The following ATG10 variants were observed in gnomAD, a reference collection of about 807,000 sequenced individuals.
ATG10 encodes ubiquitin-like-conjugating enzyme ATG10.
A neutral mutation model predicts 32.1 loss-of-function variants in ATG10; 30 were observed. The ratio of observed to expected loss-of-function variants is 0.94; its 90% CI spans 0.70 to 1.27. The LOEUF (loss-of-function observed/expected upper bound fraction) is 1.27, where lower values mean the gene tolerates loss of function less well. Among genes scored for constraint, ATG10 ranks in the 50% most tolerant of loss-of-function variants. ATG10 has a pLI of 0.00. For synonymous variants in ATG10, 87 were observed against 91.5 expected (o/e 0.95, Z 0.28); for missense variants, 233 against 262.3 (o/e 0.89, Z 0.77).
At position 82,157,833 on chromosome 5, in the gene ATG10, C is replaced by T. The variant is rs181037505; in HGVS notation, c.217-6566C>T. Among the ~76,000 whole-genome samples the T allele has an allele frequency of 2.0e-5, 3 of 152,286 alleles. No individual in the cohort carries two copies. The South Asian group carries it at 6.2e-4, about 32-fold the overall frequency. On this transcript the variant is annotated intron_variant, in intron 3 of 7. Coordinates refer to ENST00000282185, the MANE Select transcript of ATG10 (RefSeq NM_031482.5). ...TAAGGACTGTGGACTGTCTTTGAACCAGTGATGTTAGGTTTGAACTAAAGA... is the reference window on the plus strand; with the variant it reads ...TAAGGACTGTGGACTGTCTTTGAACTAGTGATGTTAGGTTTGAACTAAAGA...
intron 3 of ATG10, among the ~76,000 whole-genome samples, chr5:82,135,590 G>A (rs926465927): frequency 1.3e-5 from 2 of 152,178 alleles, no homozygotes; most frequent in African/African-American, 4.8e-5. Flanking sequence ...CTGAGAGACT[G>A]TTATGATTTC....
At chr5:82,144,883 G>A (rs986937387) in intron 3 of ATG10, among the ~76,000 whole-genome samples, 40 of 151,976 alleles carry the variant, frequency 2.6e-4, no homozygotes, top group Admixed American at 2.0e-3. Context: ...TGAGATTAGG[G>A]TACTAAAATC....
At position 82,178,623 on chromosome 5, in the gene ATG10, A is replaced by G. The variant is rs770695013; in HGVS notation, c.453+36A>G. On this transcript the variant is annotated intron_variant, in intron 5 of 7. Transcript: ENST00000282185. ...ATTGTCATTTTATTGTATGCATGTT[A>G]TTGTATTCTTTCCCGCTGCTCATCT... 3.0e-6 allele frequency: 4 copies of G among 1,348,840 alleles called. No individual in the cohort carries two copies. In the African/African-American group the frequency reaches 4.3e-5, roughly 15 times the overall value. The allele number at this position is 1,348,840 out of a possible 1,614,324, so 83.6% of individuals were successfully genotyped here.
intron 5 of ATG10, among the ~76,000 whole-genome samples, chr5:82,180,318 A>T (rs1744183657): frequency 6.6e-6 from 1 of 151,724 alleles, no homozygotes; most frequent in African/African-American, 2.4e-5. Context: ...GCCTTCCCTC[A>T]TTTTTCTGTA....
chr5:81,988,883 G>A (rs1197282444), intron 2 of ATG10, among the ~76,000 whole-genome samples: 1 of 152,128 alleles, frequency 6.6e-6, no homozygotes, highest in African/African-American at 2.4e-5. Context: ...AGGCTGGAGT[G>A]CAGTGGCATG....
intron 1 of ATG10, among the ~76,000 whole-genome samples, chr5:81,980,254 C>T (rs1165055740): frequency 2.0e-5 from 3 of 152,132 alleles, no homozygotes; most frequent in East Asian, 1.9e-4. Flanking sequence ...GATAATTCCT[C>T]GGTTTGATTT....
At chr5:82,162,210 A>C (rs941457425) in intron 3 of ATG10, among the ~76,000 whole-genome samples, 1 of 152,156 alleles carries the variant, frequency 6.6e-6, no homozygotes, top group Non-Finnish European at 1.5e-5. Context: ...AAATGCAAAT[A>C]TTCAGAAAAT....
chr5:82,182,061 G>A (rs1744258054), intron 5 of ATG10, among the ~76,000 whole-genome samples: 1 of 152,156 alleles, frequency 6.6e-6, no homozygotes, highest in South Asian at 2.1e-4. Context: ...TCACTGGAAG[G>A]TGTTGGCTCT....
chr5:82,199,070 T>C (rs1192073864), intron 5 of ATG10, among the ~76,000 whole-genome samples: 1 of 152,240 alleles, frequency 6.6e-6, no homozygotes, highest in African/African-American at 2.4e-5. Flanking sequence ...TATTTATTTC[T>C]TTTTAAAGAG....
rs1379824632 is a variant in ATG10, at chr5:82,222,943, C to T, written c.454-29619C>T. On this transcript the variant is annotated intron_variant, in intron 5 of 7. Coordinates refer to ENST00000282185, the MANE Select transcript of ATG10 (RefSeq NM_031482.5). ...AAGAATAGTGTTGTAATTTGTATGC[C>T]GGGTACTTGGTTTTAACAAGGCATT... Among the ~76,000 whole-genome samples, 9 of 152,148 alleles carry T rather than the reference C, an allele frequency of 5.9e-5. No homozygotes were observed. The East Asian group carries it at 1.5e-3, about 26-fold the overall frequency.
At position 82,087,604 on chromosome 5, in the gene ATG10, G is replaced by T. The variant is rs529559459; in HGVS notation, c.216+29002G>T. Among the ~76,000 whole-genome samples the T allele has an allele frequency of 2.6e-5, 4 of 152,202 alleles. No individual in the cohort carries two copies. In the East Asian group the frequency reaches 7.7e-4, roughly 29 times the overall value. On this transcript the variant is annotated intron_variant, in intron 3 of 7. Transcript: ENST00000282185. ...ACTCTAGATACTGTTCTATGTGCTG[G>T]TGATATAGTGGTGAACCTGACTGTC... is the stretch of plus-strand genomic sequence containing the variant.
chr5:82,167,319 T>TA (rs1340978741), intron 4 of ATG10, among the ~76,000 whole-genome samples: 3 of 152,208 alleles, frequency 2.0e-5, no homozygotes, highest in Admixed American at 6.5e-5. Flanking sequence ...AGGAAATTGA[T>TA]ACTGAGTGCC....
At chr5:82,023,080 T>C (rs1762494941) in intron 2 of ATG10, among the ~76,000 whole-genome samples, 1 of 151,838 alleles carries the variant, frequency 6.6e-6, no homozygotes, top group African/African-American at 2.4e-5. Flanking sequence ...CAGCAAACTT[T>C]AGTTGCCTCT....
chr5:82,128,869 G>A (rs952422440), intron 3 of ATG10, among the ~76,000 whole-genome samples: 2 of 151,486 alleles, frequency 1.3e-5, no homozygotes, highest in African/African-American at 4.8e-5. Flanking sequence ...TATTTTTGTG[G>A]TGTTCTCTGT....
chr5:82,139,507 T>C (rs1330480877), intron 3 of ATG10, among the ~76,000 whole-genome samples: 216 of 115,414 alleles, frequency 1.9e-3, no homozygotes, highest in South Asian at 2.6e-3. Context: ...CCATCTGGGA[T>C]GTGAGGAGCG....
chr5:81,994,262 T>C (rs541496133), intron 2 of ATG10, among the ~76,000 whole-genome samples: 6 of 152,280 alleles, frequency 3.9e-5, no homozygotes, highest in Non-Finnish European at 7.4e-5. Context: ...AGGCCCCGCA[T>C]TGTGGCTTCC....
chr5:82,242,573 C>T (rs544573796), intron 5 of ATG10, among the ~76,000 whole-genome samples: 5 of 151,900 alleles, frequency 3.3e-5, no homozygotes, highest in Non-Finnish European at 7.4e-5. Context: ...ATGCACATTA[C>T]AATGAAATAG....
chr5:82,043,494 C>G (rs1763147218), intron 2 of ATG10, among the ~76,000 whole-genome samples: 1 of 152,224 alleles, frequency 6.6e-6, no homozygotes, highest in South Asian at 2.1e-4. Flanking sequence ...ATTTCTGCAG[C>G]TGGCTTGAAT....
chr5:82,163,818 G>A (rs1743463311), intron 3 of ATG10, among the ~76,000 whole-genome samples: 2 of 152,080 alleles, frequency 1.3e-5, no homozygotes, highest in African/African-American at 4.8e-5. Flanking sequence ...TATAAATCAA[G>A]ATTTATTGTA....
Sources: gnomAD v4.1 joint callset for allele counts (sites outside exome capture counted in the v4.1 genomes callset) on GRCh38, gnomAD v4.1.1 for gene constraint, MANE v1.5 for transcripts, NCBI Gene and HGNC (gene_info 2026-07-23, HGNC 2026-07-21) for gene names.